The following NME7 variants were observed in gnomAD, a reference collection of about 807,000 sequenced individuals.
NME7 encodes the protein nucleoside diphosphate kinase 7.
Under a neutral mutation model 49.1 loss-of-function variants are expected in NME7, and 41 were observed. The observed-to-expected ratio is 0.83, with a 90% confidence interval of 0.65 to 1.08. The LOEUF (loss-of-function observed/expected upper bound fraction) is 1.08. Ranked by LOEUF, NME7 falls within the 50% of genes least tolerant of loss-of-function variation. The probability of loss-of-function intolerance (pLI) is 0.00; values close to 1 mark genes in which losing one functional copy is unlikely to be tolerated. For missense variants in NME7, 423 were observed against 463.4 expected, an observed-to-expected ratio of 0.91 and a Z score of 0.80; for synonymous variants, 139 against 150.6, an observed-to-expected ratio of 0.92 and a Z score of 0.56.
chr1:169,273,304 G>A lies in NME7; in HGVS notation c.754+13999C>T, dbSNP rs1409249038. ...AACTCAGACTTATGAGTGAGAACAT[G>A]CAGTGTTTAGTTTTCTGATCTTGTG... On this transcript the variant is annotated intron_variant, in intron 7 of 11. Coordinates refer to ENST00000367811, the MANE Select transcript of NME7 (RefSeq NM_013330.5). 1.5e-5 allele frequency among the ~76,000 whole-genome samples: 2 copies of A among 130,098 alleles called. 1 individual carries two copies. The highest frequency in any genetic ancestry group is 5.2e-5 in the African/African-American group (2 of 38,538). The allele number at this position is 130,098 out of a possible 152,430, so 85.3% of individuals were successfully genotyped here.
intron 7 of NME7, among the ~76,000 whole-genome samples, chr1:169,253,772 AG>A (rs1170963286): frequency 1.3e-5 from 2 of 152,006 alleles, no homozygotes; most frequent in Non-Finnish European, 2.9e-5. Flanking sequence ...TTTAGCATAA[AG>A]GGTTGTTGAA....
intron 7 of NME7, among the ~76,000 whole-genome samples, chr1:169,251,547 C>CTTTTTTTTTTTTTT (rs36096137): frequency 8.1e-6 from 1 of 123,998 alleles, no homozygotes. Context: ...ACTCTGGTTT[C>CTTTTTTTTTTTTTT]TTTTTTTTTT....
intron 1 of NME7, among the ~76,000 whole-genome samples, chr1:169,339,595 A>G (rs763628249): frequency 2.0e-5 from 3 of 152,196 alleles, no homozygotes; most frequent in Admixed American, 6.5e-5. Flanking sequence ...TCACAAACAC[A>G]CTGAGCCAAG....
intron 10 of NME7, among the ~76,000 whole-genome samples, chr1:169,200,143 G>A (rs1460247994): frequency 6.6e-6 from 1 of 151,738 alleles, no homozygotes; most frequent in African/African-American, 2.4e-5. Flanking sequence ...TGGTGGGGGT[G>A]GGGGAAAAGG....
At chr1:169,265,950 C>T (rs1649305189) in intron 7 of NME7, among the ~76,000 whole-genome samples, 1 of 131,782 alleles carries the variant, frequency 7.6e-6, no homozygotes, top group African/African-American at 2.6e-5. Flanking sequence ...CAATAGTGAC[C>T]TCTGAAACTG....
At chr1:169,306,302 C>A (rs1410253766) in intron 4 of NME7, among the ~76,000 whole-genome samples, 1 of 152,126 alleles carries the variant, frequency 6.6e-6, no homozygotes, top group Non-Finnish European at 1.5e-5. Context: ...TTCAAATTTT[C>A]ATTTTATGAG....
chr1:169,358,823 C>T (rs772524328), intron 1 of NME7, among the ~76,000 whole-genome samples: 1 of 152,060 alleles, frequency 6.6e-6, no homozygotes, highest in Non-Finnish European at 1.5e-5. Flanking sequence ...GCAGAGTATT[C>T]ACTGGCAAAA....
chr1:169,170,907 C>T (rs1318864439), intron 10 of NME7, among the ~76,000 whole-genome samples: 1 of 151,476 alleles, frequency 6.6e-6, no homozygotes, highest in East Asian at 2.0e-4. Flanking sequence ...GCCTGGACGA[C>T]AGATCAGACT....
rs1649089472 is a variant in NME7 at position 169,259,394 on chromosome 1, T to A, written c.755-21707A>T. Among the ~76,000 whole-genome samples the A allele has an allele frequency of 3.0e-5, 4 of 134,296 alleles. 1 individual carries two copies. The South Asian group carries it at 6.8e-4, about 23-fold the overall frequency. The allele number at this position is 134,296 out of a possible 152,430, so 88.1% of individuals were successfully genotyped here. A position where few individuals can be genotyped will look rare whatever the true frequency, so the allele number is the denominator to read the frequency against. On this transcript the variant is annotated intron_variant, in intron 7 of 11. Transcript: ENST00000367811. Reference sequence around the variant, plus strand: ...TGTGATTAGAGTAATACAGCATATATGCTTCATGTCTTTCTTATTTTGCTC... The same window carrying A: ...TGTGATTAGAGTAATACAGCATATAAGCTTCATGTCTTTCTTATTTTGCTC...
At chr1:169,155,456 G>T (rs1267050363) in intron 11 of NME7, among the ~76,000 whole-genome samples, 1 of 152,210 alleles carries the variant, frequency 6.6e-6, no homozygotes, top group Non-Finnish European at 1.5e-5. Flanking sequence ...ACTATTAGTG[G>T]ATTCTATTAT....
At chr1:169,359,331 A>G (rs902281253) in intron 1 of NME7, among the ~76,000 whole-genome samples, 1 of 151,858 alleles carries the variant, frequency 6.6e-6, no homozygotes, top group African/African-American at 2.4e-5. Context: ...ATCTGGATGC[A>G]GAACCCATGG....
chr1:169,243,291 A>G (rs1478378317), intron 7 of NME7, among the ~76,000 whole-genome samples: 8 of 152,206 alleles, frequency 5.3e-5, no homozygotes, highest in African/African-American at 1.9e-4. Flanking sequence ...AATTAGAGAG[A>G]TAACTTTTCA....
At chr1:169,212,337 G>C (rs897198596) in intron 10 of NME7, among the ~76,000 whole-genome samples, 3 of 151,764 alleles carry the variant, frequency 2.0e-5, no homozygotes, top group Admixed American at 1.3e-4. Context: ...TAAATTCATT[G>C]TTAAAAAACA....
chr1:169,326,553 A>G (rs1186793542), intron 1 of NME7, among the ~76,000 whole-genome samples: 2 of 152,180 alleles, frequency 1.3e-5, no homozygotes, highest in Non-Finnish European at 2.9e-5. Flanking sequence ...CAAGGGACAG[A>G]GAAACAGGTA....
chr1:169,339,272 T>C (rs1652596804), intron 1 of NME7, among the ~76,000 whole-genome samples: 1 of 152,194 alleles, frequency 6.6e-6, no homozygotes, highest in African/African-American at 2.4e-5. Context: ...AAGTATGGGC[T>C]TCTCTGACTA....
intron 1 of NME7, among the ~76,000 whole-genome samples, chr1:169,349,751 G>C (rs1196149955): frequency 6.6e-6 from 1 of 151,914 alleles, no homozygotes; most frequent in African/African-American, 2.4e-5. Context: ...TCCCTTTTTA[G>C]CCTAATCCTT....
At chr1:169,142,925 C>A (rs1277335629) in intron 11 of NME7, among the ~76,000 whole-genome samples, 1 of 152,110 alleles carries the variant, frequency 6.6e-6, no homozygotes, top group Non-Finnish European at 1.5e-5. Context: ...GTAGGGGAGT[C>A]CAAGCTTTGA....
chr1:169,331,310 T>C (rs1032819107), intron 1 of NME7, among the ~76,000 whole-genome samples: 3 of 152,108 alleles, frequency 2.0e-5, no homozygotes, highest in Admixed American at 6.5e-5. Context: ...AGAAGTAACA[T>C]ACCTCAACAT....
chr1:169,247,544 T>C (rs1417935114), intron 7 of NME7, among the ~76,000 whole-genome samples: 1 of 152,108 alleles, frequency 6.6e-6, no homozygotes, highest in Non-Finnish European at 1.5e-5. Flanking sequence ...ACGGATGAAT[T>C]ATATAGTGGT....
Sources: gnomAD v4.1 joint callset for allele counts (sites outside exome capture counted in the v4.1 genomes callset) on GRCh38, gnomAD v4.1.1 for gene constraint, MANE v1.5 for transcripts, NCBI Gene and HGNC (gene_info 2026-07-23, HGNC 2026-07-21) for gene names.